TRPM3: variants seen among roughly 807,000 people sequenced by gnomAD.
TRPM3 encodes the protein transient receptor potential cation channel subfamily M member 3, also known as long transient receptor potential channel 3.
In TRPM3, 77 loss-of-function variants were observed where a neutral mutation model predicts 181.2. That is an observed-to-expected ratio of 0.42 (90% CI 0.35 to 0.51). The LOEUF (loss-of-function observed/expected upper bound fraction) is 0.51, where lower values mean the gene tolerates loss of function less well. TRPM3 is among the 20% of genes least tolerant of loss of function. The pLI, the probability that TRPM3 is intolerant of heterozygous loss-of-function variation, is 0.01. For missense variants in TRPM3, 1,759 were observed against 2,196.7 expected (o/e 0.80, Z 3.98); for synonymous variants, 745 against 796.4 (o/e 0.94, Z 1.09).
intron 1 of TRPM3, among the ~76,000 whole-genome samples, chr9:71,348,291 A>G (rs2091405851): frequency 6.6e-6 from 1 of 152,180 alleles, no homozygotes; most frequent in Admixed American, 6.5e-5. Context: ...CAGTTGCTAC[A>G]GCTACTAGTC....
chr9:71,319,999 G>A (rs1049066352), intron 1 of TRPM3, among the ~76,000 whole-genome samples: 1 of 152,148 alleles, frequency 6.6e-6, no homozygotes. Context: ...TGGGCAAGGA[G>A]CAGTTAAAAA....
intron 8 of TRPM3, among the ~76,000 whole-genome samples, chr9:70,756,171 C>A (rs2077044862): frequency 6.6e-6 from 1 of 150,796 alleles, no homozygotes; most frequent in South Asian, 2.1e-4. Flanking sequence ...ACAAAAAAAA[C>A]AAAAAAGCAG....
chr9:70,569,938 T>C (rs1041374180), intron 22 of TRPM3, among the ~76,000 whole-genome samples: 2 of 152,222 alleles, frequency 1.3e-5, no homozygotes, highest in Non-Finnish European at 2.9e-5. Flanking sequence ...CAGTCTAAGT[T>C]ATGTTTCCAT....
At chr9:70,585,088 G>A (rs1044901976) in intron 22 of TRPM3, among the ~76,000 whole-genome samples, 6 of 152,072 alleles carry the variant, frequency 3.9e-5, no homozygotes, top group East Asian at 1.9e-4. Flanking sequence ...CTCCTGCCCC[G>A]CTGATACATA....
At position 70,590,977 on chromosome 9, in the gene TRPM3, C is replaced by G. The variant is rs755052296; in HGVS notation, c.3223+54G>C. On this transcript the variant is annotated intron_variant, in intron 22 of 25. Transcript: ENST00000677713. The stretch of plus-strand genomic sequence containing the variant: ...CAAATGAACTTGGAAAAGACATAAC[C>G]GAATTGAATTTAAATACCTGACTTT... 1.9e-6 allele frequency: 3 copies of G among 1,610,234 alleles called. No individual in the cohort carries two copies. The East Asian group carries it at 6.7e-5, about 36-fold the overall frequency.
intron 1 of TRPM3, among the ~76,000 whole-genome samples, chr9:70,868,413 C>G (rs1252128069): frequency 6.6e-6 from 1 of 151,966 alleles, no homozygotes; most frequent in Non-Finnish European, 1.5e-5. Context: ...AATAAAGCAT[C>G]AAAATAATAA....
intron 1 of TRPM3, among the ~76,000 whole-genome samples, chr9:71,392,261 G>A (rs2093079551): frequency 6.6e-6 from 1 of 152,048 alleles, no homozygotes; most frequent in African/African-American, 2.4e-5. Context: ...CTGGCAGTTT[G>A]AACTTTGGTT....
intron 1 of TRPM3, among the ~76,000 whole-genome samples, chr9:71,214,489 A>G (rs1380733919): frequency 6.6e-6 from 1 of 152,206 alleles, no homozygotes; most frequent in African/African-American, 2.4e-5. Flanking sequence ...AAAAGGAGAA[A>G]CAATCCAAGT....
At chr9:71,213,178 G>GTCA (rs2079618545) in intron 1 of TRPM3, among the ~76,000 whole-genome samples, 1 of 151,768 alleles carries the variant, frequency 6.6e-6, no homozygotes, top group African/African-American at 2.4e-5. Flanking sequence ...GCAGCCATAG[G>GTCA]TAATATGTAT....
chr9:70,994,113 T>A (rs1273952808), intron 1 of TRPM3, among the ~76,000 whole-genome samples: 3 of 152,172 alleles, frequency 2.0e-5, no homozygotes, highest in South Asian at 2.1e-4. Context: ...GTATTTGGAA[T>A]GTAAATAAAT....
chr9:70,536,709 G>A lies in TRPM3; in HGVS notation c.4404C>T (p.Ser1468=), dbSNP rs763169990. Residue 1468 remains serine (S), a synonymous_variant, in exon 26 of 26, where the codon AGC becomes AGT. Transcript: ENST00000677713. ...TGATGTCCTCAAAATCAATGCTCCG[G>A]CTTGGAGGTCTGTCTGTGGGTGCAA... ...ATLAPTDRPP[S]RSIDFEDITS... 6 of 1,614,174 alleles carry A rather than the reference G, an allele frequency of 3.7e-6. No individual in the cohort carries two copies. The Middle Eastern group carries it at 4.9e-4, about 133-fold the overall frequency.
intron 1 of TRPM3, among the ~76,000 whole-genome samples, chr9:71,284,817 TA>T (rs1290914978): frequency 6.6e-6 from 1 of 152,104 alleles, no homozygotes; most frequent in Non-Finnish European, 1.5e-5. Flanking sequence ...AGCTAGGAAA[TA>T]AAAAAGGCTA....
chr9:71,015,463 G>A (rs887480630), intron 1 of TRPM3, among the ~76,000 whole-genome samples: 2 of 152,172 alleles, frequency 1.3e-5, no homozygotes, highest in Non-Finnish European at 2.9e-5. Flanking sequence ...CTTATTTAAA[G>A]TCATGGAACT....
intron 1 of TRPM3, among the ~76,000 whole-genome samples, chr9:70,905,931 T>C (rs1403196131): frequency 6.6e-6 from 1 of 152,038 alleles, no homozygotes; most frequent in African/African-American, 2.4e-5. Flanking sequence ...AGTGACAGGG[T>C]CTCACTATTG....
intron 1 of TRPM3, among the ~76,000 whole-genome samples, chr9:71,002,818 C>T (rs2097623455): frequency 6.6e-6 from 1 of 152,034 alleles, no homozygotes; most frequent in African/African-American, 2.4e-5. Flanking sequence ...AAAATATGTA[C>T]CTCTTAAGAA....
intron 3 of TRPM3, 86 bp from the exon 4 acceptor site, chr9:70,846,677 G>T: frequency 1.8e-6 from 2 of 1,111,422 alleles, no homozygotes; most frequent in Non-Finnish European, 2.6e-6. Flanking sequence ...TATATGTGTA[G>T]TTATGTGACA....
intron 1 of TRPM3, among the ~76,000 whole-genome samples, chr9:71,089,119 G>A (rs2430874): frequency 6.9e-6 from 1 of 145,920 alleles, no homozygotes. Context: ...GATATATATT[G>A]TATATATCAT....
At chr9:71,413,841 A>C (rs2093598441) in intron 1 of TRPM3, among the ~76,000 whole-genome samples, 1 of 149,890 alleles carries the variant, frequency 6.7e-6, no homozygotes. Context: ...CTCCAGGATT[A>C]TGAAAAATAC....
At chr9:71,374,219 C>T (rs2092606927) in intron 1 of TRPM3, among the ~76,000 whole-genome samples, 1 of 151,890 alleles carries the variant, frequency 6.6e-6, no homozygotes, top group South Asian at 2.1e-4. Flanking sequence ...ACTAAAAATA[C>T]AAAAATTAGC....
Sources: allele counts gnomAD v4.1 joint callset (sites outside exome capture counted in the v4.1 genomes callset), GRCh38; gene constraint gnomAD v4.1.1; transcripts MANE v1.5; gene names NCBI Gene and HGNC (gene_info 2026-07-23, HGNC 2026-07-21).